The following ENDOV variants were observed in gnomAD, a reference collection of about 807,000 sequenced individuals.
ENDOV encodes the protein hEndoV.
ENDOV carries 37 observed loss-of-function variants against 39.4 expected under a neutral mutation model. That is an observed-to-expected ratio of 0.94 (90% confidence interval 0.72 to 1.23). ENDOV has a LOEUF of 1.23. Ranked by LOEUF, ENDOV falls within the 50% of genes most tolerant of loss-of-function variation. The pLI, the probability that ENDOV is intolerant of heterozygous loss-of-function variation, is 0.00. For synonymous variants in ENDOV, 186 were observed against 163.4 expected (o/e 1.14, Z -1.05); for missense variants, 441 against 375.7 (o/e 1.17, Z -1.44).
chr17:80,417,761 T>G (rs1264684717), intron 2 of ENDOV: 1 of 152,214 alleles, frequency 6.6e-6, no homozygotes, highest in Non-Finnish European at 1.5e-5. Flanking sequence ...CCTACTGGAA[T>G]ATAAACTCCA....
Position 80,436,634 on chromosome 17 carries a change from C to A in ENDOV, c.*491C>A. The A allele has an allele frequency of 4.5e-6, 1 of 220,704 alleles. No homozygotes were observed. Among genetic ancestry groups the A allele is most frequent in the South Asian group, 6.9e-5 (1 of 14,568 alleles). The allele number at this position is 220,704 out of a possible 1,614,324, so 13.7% of individuals were successfully genotyped here. ...TCTAACTCGGTCATGGTGTATAATCCATTTACTCTGCTGCTGAATGTGATT... is the reference window on the plus strand; with the variant it reads ...TCTAACTCGGTCATGGTGTATAATCAATTTACTCTGCTGCTGAATGTGATT... On this transcript the variant is annotated 3_prime_UTR_variant, in exon 10 of 10. Coordinates refer to ENST00000518137, the MANE Select transcript of ENDOV (RefSeq NM_173627.5).
At chr17:80,419,395 G>C (rs2081650020) in intron 2 of ENDOV, 1 of 571,188 alleles carries the variant, frequency 1.8e-6, no homozygotes, top group Admixed American at 2.9e-5. Flanking sequence ...CAGATGCTGA[G>C]CCATGGCTGG....
intron 4 of ENDOV, 35 bp downstream of exon 4, chr17:80,422,280 G>T: frequency 6.2e-7 from 1 of 1,611,770 alleles, no homozygotes; most frequent in African/African-American, 1.3e-5. Flanking sequence ...GGAGGGCACT[G>T]TGGGGAAGAG....
intron 2 of ENDOV, chr17:80,419,486 G>A (rs1254360829): frequency 1.5e-6 from 1 of 671,852 alleles, no homozygotes; most frequent in South Asian, 1.6e-5. Flanking sequence ...TGCTCCACAG[G>A]CCTGGTGGAG....
chr17:80,432,208 G>A (rs1599470380), intron 9 of ENDOV, among the ~76,000 whole-genome samples: 1 of 152,276 alleles, frequency 6.6e-6, no homozygotes, highest in South Asian at 2.1e-4. Flanking sequence ...GTTAAAGGTG[G>A]GGATACACAT....
intron 8 of ENDOV, 36 bp from the exon 9 acceptor site, chr17:80,429,737 C>A (rs759550675): frequency 2.9e-5 from 45 of 1,571,468 alleles, no homozygotes; most frequent in Non-Finnish European, 3.5e-5. Context: ...TAGGCGCTAG[C>A]ATCTGATGCT....
intron 7 of ENDOV, chr17:80,427,403 TGCAAG>T: frequency 3.0e-6 from 3 of 985,254 alleles, no homozygotes; most frequent in Non-Finnish European, 3.6e-6. Flanking sequence ...GGCCCATCCT[TGCAAG>T]GGAGGGGACA....
At chr17:80,425,785 G>T (rs888634257) in intron 7 of ENDOV, among the ~76,000 whole-genome samples, 165 bp downstream of exon 7, 14 of 152,188 alleles carry the variant, frequency 9.2e-5, no homozygotes, top group Non-Finnish European at 2.1e-4. Flanking sequence ...AGAGCTTGCT[G>T]GGCCCTGCAG....
At chr17:80,419,138 A>G (rs981016829) in intron 2 of ENDOV, among the ~76,000 whole-genome samples, 3 of 143,560 alleles carry the variant, frequency 2.1e-5, no homozygotes, top group Admixed American at 7.4e-5. Context: ...GCGTCAGTGC[A>G]CTCCAGCCTG....
At chr17:80,415,503 G>C in intron 1 of ENDOV, 147 bp from the exon 2 acceptor site, 2 of 1,155,122 alleles carry the variant, frequency 1.7e-6, no homozygotes, top group Non-Finnish European at 2.4e-6. Flanking sequence ...GGCTCCTAGG[G>C]ACTGTGGCCT....
intron 5 of ENDOV, 77 bp from the exon 6 acceptor site, chr17:80,424,955 A>G: frequency 7.6e-7 from 1 of 1,314,132 alleles, no homozygotes; most frequent in Non-Finnish European, 1.1e-6. Context: ...ACTCCGTCTC[A>G]AAAAATAGAG....
At chr17:80,421,644 T>C (rs2082047684) in intron 2 of ENDOV, among the ~76,000 whole-genome samples, 184 bp from the exon 3 acceptor site, 1 of 152,062 alleles carries the variant, frequency 6.6e-6, no homozygotes, top group South Asian at 2.1e-4. Context: ...CACCACCAAT[T>C]TGCAGGGTAC....
chr17:80,421,957 C>G lies in ENDOV; in HGVS notation c.358C>G (p.Pro120Ala), dbSNP rs1377324489. 6.2e-7 allele frequency: 1 copy of G among 1,608,364 alleles called. No individual in the cohort carries two copies. Among genetic ancestry groups the G allele is most frequent in the South Asian group, 1.1e-5 (1 of 90,782 alleles). ...QLREKEPGLM[P>A]QVLLVDGNGV... ...GCGGGAGAAGGAGCCGGGCCTCATGCCCCAGGCAGGTGTCTCATCCCTAGG... is the reference window on the plus strand; with the variant it reads ...GCGGGAGAAGGAGCCGGGCCTCATGGCCCAGGCAGGTGTCTCATCCCTAGG... Residue 120 changes from proline (P) to alanine (A), a missense_variant, in exon 3 of 10, where the codon CCC becomes GCC. By Grantham distance (27) the Pro-to-Ala change is conservative. Coordinates refer to ENST00000518137, the MANE Select transcript of ENDOV (RefSeq NM_173627.5).
In ENDOV at chr17:80,436,333, C is replaced by T; in HGVS notation, c.*190C>T. The T allele has an allele frequency of 1.3e-6, 2 of 1,559,540 alleles. No homozygotes were observed. Among genetic ancestry groups the T allele is most frequent in the Non-Finnish European group, 1.7e-6 (2 of 1,157,024 alleles). On this transcript the variant is annotated 3_prime_UTR_variant, in exon 10 of 10. Transcript: ENST00000518137. ...CTGATCGAACGTGGTGGTGAGAGCA[C>T]ACGTCCTTGTCTTGTTCCTGATCTT...
Position 80,424,538 on chromosome 17 carries a change from A to G in ENDOV, c.517-494A>G, listed in dbSNP as rs567311440. ...TGTGGGCAGCACCCTCAGCTCAGGG[A>G]CAAGACCACTTCACCGCCTGCACGC... On this transcript the variant is annotated intron_variant, in intron 5 of 9. Coordinates refer to ENST00000518137, the MANE Select transcript of ENDOV (RefSeq NM_173627.5). Among the ~76,000 whole-genome samples the G allele has an allele frequency of 3.2e-3, 483 of 152,340 alleles. 4 individuals carry two copies. The highest frequency in any genetic ancestry group is 6.9e-3 in the Admixed American group (105 of 15,302).
chr17:80,425,016 T>C lies in ENDOV; in HGVS notation c.517-16T>C, dbSNP rs374562356. On this transcript the variant is annotated splice_polypyrimidine_tract_variant and intron_variant, in intron 5 of 9. Transcript: ENST00000518137. Reference sequence around the variant, plus strand: ...AGAGAGGGGTTTTTTTCCCCATTTTTCCCTCCATTTTCCAGATCCGACTCC... The same window carrying C: ...AGAGAGGGGTTTTTTTCCCCATTTTCCCCTCCATTTTCCAGATCCGACTCC... 7.5e-6 allele frequency: 12 copies of C among 1,609,824 alleles called. No homozygotes were observed. The East Asian group carries it at 1.6e-4, about 21-fold the overall frequency.
chr17:80,432,255 C>T (rs1460305359), intron 9 of ENDOV, among the ~76,000 whole-genome samples: 1 of 152,056 alleles, frequency 6.6e-6, no homozygotes. Context: ...CGGTACACTC[C>T]TAATAAATGG....
chr17:80,415,489 C>T, intron 1 of ENDOV, 161 bp from the exon 2 acceptor site: 3 of 1,099,422 alleles, frequency 2.7e-6, no homozygotes, highest in South Asian at 1.6e-5. Context: ...GTCTCCGCCG[C>T]CTGGGCTCCT....
intron 7 of ENDOV, 48 bp from the exon 8 acceptor site, chr17:80,428,548 T>C (rs1202184861): frequency 1.3e-6 from 2 of 1,540,160 alleles, no homozygotes; most frequent in Admixed American, 3.9e-5. Context: ...GGTGGGAAAC[T>C]GGTCTAGAGA....
Sources: allele counts gnomAD v4.1 joint callset (sites outside exome capture counted in the v4.1 genomes callset), GRCh38; gene constraint gnomAD v4.1.1; transcripts MANE v1.5; gene names NCBI Gene and HGNC (gene_info 2026-07-23, HGNC 2026-07-21).